The following CADPS variants were observed in gnomAD, a reference collection of about 807,000 sequenced individuals.
The protein encoded by CADPS is calcium-dependent secretion activator 1.
A neutral mutation model predicts 167.3 loss-of-function variants in CADPS; 57 were observed. The ratio of observed to expected loss-of-function variants is 0.34; its 90% CI spans 0.28 to 0.42. The LOEUF is 0.42. CADPS is among the 20% of genes least tolerant of loss of function. The probability of loss-of-function intolerance (pLI) is 1.00; values close to 1 mark genes in which losing one functional copy is unlikely to be tolerated. For synonymous variants in CADPS, 676 were observed against 635.3 expected (o/e 1.06, Z -0.96); for missense variants, 1,414 against 1,738.1 (o/e 0.81, Z 3.32).
At chr3:62,471,963 T>C (rs2060675575) in intron 24 of CADPS, among the ~76,000 whole-genome samples, 1 of 152,164 alleles carries the variant, frequency 6.6e-6, no homozygotes, top group South Asian at 2.1e-4. Context: ...ATTTTTTAAA[T>C]GGGCAAAAGA....
intron 1 of CADPS, among the ~76,000 whole-genome samples, chr3:62,768,216 C>A (rs535954779): frequency 6.6e-6 from 1 of 152,110 alleles, no homozygotes; most frequent in Non-Finnish European, 1.5e-5. Flanking sequence ...AAAAATGATA[C>A]CCGTAACATA....
At chr3:62,410,556 C>G (rs2048771409) in intron 28 of CADPS, among the ~76,000 whole-genome samples, 1 of 152,202 alleles carries the variant, frequency 6.6e-6, no homozygotes, top group Admixed American at 6.5e-5. Flanking sequence ...ATGCACGTGA[C>G]TCAGACCACT....
chr3:62,476,958 T>C (rs1220126038), intron 23 of CADPS, among the ~76,000 whole-genome samples: 1 of 152,142 alleles, frequency 6.6e-6, no homozygotes, highest in African/African-American at 2.4e-5. Context: ...GTTTGAGAAG[T>C]AGGCCTGCCT....
At position 62,478,093 on chromosome 3, in the gene CADPS, A is replaced by T; in HGVS notation, c.3329+168T>A. ...GTTTGGGACAGATGGAGGGCAGGTG[A>T]ATGGAAGTTAGACGTTGACAGCCAC... On this transcript the variant is annotated intron_variant, in intron 23 of 29. Coordinates refer to ENST00000383710, the MANE Select transcript of CADPS (RefSeq NM_003716.4). The surrounding 1 kb of genome is among the most constrained non-coding windows in gnomAD (Gnocchi z 5.7). The T allele has an allele frequency of 3.0e-6, 2 of 676,074 alleles. No individual in the cohort carries two copies. The highest frequency in any genetic ancestry group is 4.9e-6 in the Non-Finnish European group (2 of 408,208). 41.9% of individuals were successfully genotyped at this position (676,074 alleles called of 1,614,324 possible).
At chr3:62,793,449 T>C (rs980684628) in intron 1 of CADPS, among the ~76,000 whole-genome samples, 8 of 152,186 alleles carry the variant, frequency 5.3e-5, no homozygotes, top group African/African-American at 1.7e-4. Flanking sequence ...TGAGCTAATA[T>C]GTGCAGCAGA....
At chr3:62,782,565 A>C (rs1486455676) in intron 1 of CADPS, among the ~76,000 whole-genome samples, 1 of 152,130 alleles carries the variant, frequency 6.6e-6, no homozygotes, top group African/African-American at 2.4e-5. Flanking sequence ...AAAGGGCAAA[A>C]TGGCTTCATG....
chr3:62,685,366 G>C (rs13061208), intron 3 of CADPS, among the ~76,000 whole-genome samples: 1 of 151,798 alleles, frequency 6.6e-6, no homozygotes, highest in Non-Finnish European at 1.5e-5. Flanking sequence ...GAAACAATGC[G>C]TAGAGTTTAT....
At chr3:62,405,143 G>C (rs915807696) in intron 28 of CADPS, among the ~76,000 whole-genome samples, 5 of 150,352 alleles carry the variant, frequency 3.3e-5, no homozygotes, top group South Asian at 2.1e-4. Flanking sequence ...ATCTGGGGGG[G>C]GGGGGGGCTC....
intron 21 of CADPS, 106 bp downstream of exon 21, chr3:62,491,232 CT>C: frequency 8.3e-7 from 1 of 1,207,042 alleles, no homozygotes; most frequent in Non-Finnish European, 1.2e-6. Context: ...GTGTTTCTCT[CT>C]GTCCACAATA....
chr3:62,525,595 A>G (rs576581777), intron 13 of CADPS, among the ~76,000 whole-genome samples: 6 of 148,254 alleles, frequency 4.0e-5, no homozygotes, highest in African/African-American at 1.5e-4. Context: ...AGAGGTTAGT[A>G]AAACAGAGCT....
intron 7 of CADPS, among the ~76,000 whole-genome samples, chr3:62,589,344 G>A (rs895582683): frequency 3.9e-5 from 6 of 152,240 alleles, no homozygotes; most frequent in Admixed American, 6.5e-5. Flanking sequence ...GCAATTGGCA[G>A]AAAGTTTCTT....
chr3:62,867,295 G>T (rs1295381819), intron 1 of CADPS, among the ~76,000 whole-genome samples: 1 of 151,998 alleles, frequency 6.6e-6, no homozygotes, highest in Non-Finnish European at 1.5e-5. Flanking sequence ...AAGGAACTCT[G>T]AGGATCCCAT....
At chr3:62,666,986 A>T (rs2074545222) in intron 3 of CADPS, among the ~76,000 whole-genome samples, 1 of 151,978 alleles carries the variant, frequency 6.6e-6, no homozygotes, top group African/African-American at 2.4e-5. Context: ...ACAAAATGAC[A>T]AAATGTGCTG....
At chr3:62,508,674 T>C (rs915065489) in intron 17 of CADPS, among the ~76,000 whole-genome samples, 11 of 152,134 alleles carry the variant, frequency 7.2e-5, no homozygotes, top group Non-Finnish European at 1.6e-4. Flanking sequence ...CAATGAAATA[T>C]GGTAATAAAA....
chr3:62,787,279 A>G (rs905782218), intron 1 of CADPS, among the ~76,000 whole-genome samples: 1 of 152,182 alleles, frequency 6.6e-6, no homozygotes, highest in African/African-American at 2.4e-5. Context: ...TGGGTGACAG[A>G]GCAAGATCCT....
intron 2 of CADPS, among the ~76,000 whole-genome samples, chr3:62,754,179 T>C (rs895503265): frequency 6.6e-6 from 1 of 152,168 alleles, no homozygotes; most frequent in Non-Finnish European, 1.5e-5. Context: ...ATTTATTTAA[T>C]GTTTAATTTC....
At chr3:62,771,504 C>G (rs1187781751) in intron 1 of CADPS, among the ~76,000 whole-genome samples, 4 of 152,110 alleles carry the variant, frequency 2.6e-5, no homozygotes, top group African/African-American at 9.7e-5. Flanking sequence ...AAAAGGTGAC[C>G]TTGCACGAAT....
chr3:62,517,942 C>A (rs1350428517), intron 14 of CADPS, among the ~76,000 whole-genome samples: 3 of 152,126 alleles, frequency 2.0e-5, no homozygotes, highest in Non-Finnish European at 4.4e-5. Flanking sequence ...AGAATTTGTT[C>A]TTTAAGTGGA....
At chr3:62,490,693 G>C (rs914951987) in intron 21 of CADPS, among the ~76,000 whole-genome samples, 1 of 152,128 alleles carries the variant, frequency 6.6e-6, no homozygotes, top group Non-Finnish European at 1.5e-5. Context: ...AAAATTCTAG[G>C]TCAGTGGGGT....
Sources: gnomAD v4.1 joint callset for allele counts (sites outside exome capture counted in the v4.1 genomes callset) on GRCh38, gnomAD v4.1.1 for gene constraint, Gnocchi (gnomAD v3.1) non-coding constraint, MANE v1.5 for transcripts, NCBI Gene and HGNC (gene_info 2026-07-23, HGNC 2026-07-21) for gene names.